The following FARS2 variants were observed in gnomAD, a reference collection of about 807,000 sequenced individuals.
FARS2 encodes the protein phenylalanyl-tRNA synthetase 2, mitochondrial.
Under a neutral mutation model 46.4 loss-of-function variants are expected in FARS2, and 40 were observed. The ratio of observed to expected loss-of-function variants is 0.86; its 90% CI spans 0.67 to 1.12. The LOEUF (loss-of-function observed/expected upper bound fraction) is 1.12. FARS2 is among the 50% of genes most tolerant of loss of function. The pLI, the probability that FARS2 is intolerant of heterozygous loss-of-function variation, is 0.00. For synonymous variants in FARS2, 234 were observed against 214.9 expected, an observed-to-expected ratio of 1.09 and a Z score of -0.78; for missense variants, 513 against 567.9, an observed-to-expected ratio of 0.90 and a Z score of 0.98.
At position 5,575,542 on chromosome 6, in the gene FARS2, T is replaced by A. The variant is rs192775823; in HGVS notation, c.1065+30202T>A. Among the ~76,000 whole-genome samples the A allele has an allele frequency of 4.6e-5, 7 of 152,320 alleles. No individual in the cohort carries two copies. In the East Asian group the frequency reaches 1.2e-3, roughly 25 times the overall value. ...TTACATAATCACAGTAAAGTTAATA[T>A]ATGTCAGGAAATTTCATGTTGATTC... On this transcript the variant is annotated intron_variant, in intron 5 of 6. Coordinates refer to ENST00000274680, the MANE Select transcript of FARS2 (RefSeq NM_006567.5).
At chr6:5,737,154 G>A (rs888712208) in intron 6 of FARS2, among the ~76,000 whole-genome samples, 4 of 152,092 alleles carry the variant, frequency 2.6e-5, no homozygotes, top group East Asian at 1.9e-4. Context: ...ACTGAGCCTC[G>A]AAAACTTCAC....
At chr6:5,584,156 G>A (rs924690258) in intron 5 of FARS2, among the ~76,000 whole-genome samples, 3 of 91,170 alleles carry the variant, frequency 3.3e-5, no homozygotes, top group African/African-American at 1.9e-4. Flanking sequence ...TTGAGTGTTC[G>A]GATGAGGACC....
At chr6:5,640,119 A>G (rs879373533) in intron 6 of FARS2, among the ~76,000 whole-genome samples, 2 of 149,566 alleles carry the variant, frequency 1.3e-5, no homozygotes, top group Non-Finnish European at 3.0e-5. Context: ...TCCTTTAATC[A>G]TTTGAGGGAA....
chr6:5,579,151 T>C (rs1345443295), intron 5 of FARS2, among the ~76,000 whole-genome samples: 1 of 152,258 alleles, frequency 6.6e-6, no homozygotes, highest in African/African-American at 2.4e-5. Flanking sequence ...TATAAACTTC[T>C]TCTTGCCCTG....
intron 2 of FARS2, among the ~76,000 whole-genome samples, chr6:5,395,736 G>A (rs1760862717): frequency 6.6e-6 from 1 of 152,178 alleles, no homozygotes; most frequent in Non-Finnish European, 1.5e-5. Flanking sequence ...TTTTGGGGTT[G>A]GCCACTGTAT....
intron 4 of FARS2, among the ~76,000 whole-genome samples, chr6:5,525,677 G>A (rs1369183366): frequency 6.6e-6 from 1 of 152,242 alleles, no homozygotes; most frequent in Non-Finnish European, 1.5e-5. Flanking sequence ...CAAAGAGCTT[G>A]CCTAGGTTTT....
chr6:5,466,560 C>T, intron 4 of FARS2: 1 of 985,384 alleles, frequency 1.0e-6, no homozygotes, highest in Non-Finnish European at 1.2e-6. Flanking sequence ...ATTCCCTAGG[C>T]TTGTTTCAGT....
intron 6 of FARS2, among the ~76,000 whole-genome samples, chr6:5,687,467 A>G (rs1370487702): frequency 1.3e-5 from 2 of 152,114 alleles, no homozygotes; most frequent in Non-Finnish European, 2.9e-5. Context: ...TCCTTTCCCC[A>G]TTGCTTGTTT....
intron 6 of FARS2, among the ~76,000 whole-genome samples, chr6:5,666,464 A>G (rs975651884): frequency 2.2e-4 from 34 of 152,304 alleles, no homozygotes; most frequent in African/African-American, 7.7e-4. Flanking sequence ...CACAGTGCCT[A>G]AAGTTCCAGG....
chr6:5,644,677 C>T (rs1353958330), intron 6 of FARS2, among the ~76,000 whole-genome samples: 2 of 152,212 alleles, frequency 1.3e-5, no homozygotes, highest in African/African-American at 4.8e-5. Flanking sequence ...AGGTGATGTG[C>T]CCCAGAGGAA....
chr6:5,486,367 C>T (rs76763835), intron 4 of FARS2, among the ~76,000 whole-genome samples: 3,521 of 152,294 alleles, frequency 0.023, 51 homozygotes, highest in Non-Finnish European at 0.037. Flanking sequence ...CCTGTTTCCA[C>T]GCAGAACAGG....
At chr6:5,562,313 C>T (rs9378429) in intron 5 of FARS2, among the ~76,000 whole-genome samples, 129,634 of 152,016 alleles carry the variant, frequency 0.85, 55,749 homozygotes, top group African/African-American at 0.96. Context: ...GGTCTTTTAA[C>T]GGCGTTATAG....
intron 6 of FARS2, among the ~76,000 whole-genome samples, chr6:5,697,396 A>G (rs565579302): frequency 6.6e-6 from 1 of 152,358 alleles, no homozygotes; most frequent in African/African-American, 2.4e-5. Flanking sequence ...AGATAGAGTC[A>G]CATCCACCAT....
At chr6:5,309,472 G>A (rs1768943165) in intron 1 of FARS2, among the ~76,000 whole-genome samples, 1 of 152,152 alleles carries the variant, frequency 6.6e-6, no homozygotes, top group African/African-American at 2.4e-5. Flanking sequence ...GATTTGAAAT[G>A]AATTTCCCTG....
At chr6:5,556,406 C>T (rs1771660842) in intron 5 of FARS2, among the ~76,000 whole-genome samples, 1 of 151,928 alleles carries the variant, frequency 6.6e-6, no homozygotes, top group South Asian at 2.1e-4. Context: ...AGCCACAGTC[C>T]TCCTGATTCT....
intron 4 of FARS2, among the ~76,000 whole-genome samples, chr6:5,482,420 G>T (rs6597129): frequency 0.05 from 7,555 of 152,244 alleles, 614 homozygotes; most frequent in African/African-American, 0.17. Flanking sequence ...CCCACTTAAT[G>T]TTTTTGAGAG....
At chr6:5,742,707 A>C (rs1184580821) in intron 6 of FARS2, among the ~76,000 whole-genome samples, 1 of 152,080 alleles carries the variant, frequency 6.6e-6, no homozygotes, top group Non-Finnish European at 1.5e-5. Flanking sequence ...GTCTGAAAAA[A>C]AGAAGATACG....
At chr6:5,295,676 A>C (rs931184735) in intron 1 of FARS2, among the ~76,000 whole-genome samples, 2 of 152,212 alleles carry the variant, frequency 1.3e-5, no homozygotes, top group Non-Finnish European at 2.9e-5. Flanking sequence ...TTTGGAAATA[A>C]AGACAGTAGA....
In FARS2 at chr6:5,302,250, A is replaced by G. The variant is rs559487163; in HGVS notation, c.-22+40590A>G. On this transcript the variant is annotated intron_variant, in intron 1 of 6. Coordinates refer to ENST00000274680, the MANE Select transcript of FARS2 (RefSeq NM_006567.5). ...TCTAGGTGACTTCTGTCTGCAAAAC[A>G]TGTTAAGATTCAGATTTTATTTCAG... is the stretch of plus-strand genomic sequence containing the variant. Among the ~76,000 whole-genome samples, 18 of 152,304 alleles carry G rather than the reference A, an allele frequency of 1.2e-4. No homozygotes were observed. The South Asian group carries it at 3.7e-3, about 32-fold the overall frequency.
Sources: allele counts gnomAD v4.1 joint callset (sites outside exome capture counted in the v4.1 genomes callset), GRCh38; gene constraint gnomAD v4.1.1; transcripts MANE v1.5; gene names NCBI Gene and HGNC (gene_info 2026-07-23, HGNC 2026-07-21).